Variants in MYO6 observed in about 807,000 individuals in gnomAD.
MYO6 encodes the protein myosin VI.
A neutral mutation model predicts 178.7 loss-of-function variants in MYO6; 74 were observed. The ratio of observed to expected loss-of-function variants is 0.41; its 90% CI spans 0.34 to 0.50. The LOEUF is 0.50. Ranked by LOEUF, MYO6 falls within the 20% of genes least tolerant of loss-of-function variation. The probability of loss-of-function intolerance (pLI) is 0.09; values close to 1 mark genes in which losing one functional copy is unlikely to be tolerated. For synonymous variants in MYO6, 477 were observed against 504.6 expected, an observed-to-expected ratio of 0.95 and a Z score of 0.73; for missense variants, 1,330 against 1,547.4, an observed-to-expected ratio of 0.86 and a Z score of 2.36.
chr6:75,830,269 T>C, intron 4 of MYO6, 147 bp from the exon 5 acceptor site: 1 of 667,390 alleles, frequency 1.5e-6, no homozygotes, highest in Non-Finnish European at 2.6e-6. Flanking sequence ...GATCAGGGAA[T>C]ACTCAGGGAA....
chr6:75,752,059 C>A (rs1288146133), intron 1 of MYO6, among the ~76,000 whole-genome samples: 3 of 150,062 alleles, frequency 2.0e-5, no homozygotes, highest in Admixed American at 6.7e-5. Context: ...GTGGCACGAT[C>A]TTGGGTCACT....
At chr6:75,763,026 ATTT>A (rs34139526) in intron 1 of MYO6, among the ~76,000 whole-genome samples, 1 of 124,208 alleles carries the variant, frequency 8.1e-6, no homozygotes, top group Non-Finnish European at 1.7e-5. Context: ...CTGACCTGTA[ATTT>A]TTTTTTTTTT....
chr6:75,806,144 TTC>T, intron 1 of MYO6, among the ~76,000 whole-genome samples: 1 of 152,286 alleles, frequency 6.6e-6, no homozygotes, highest in Middle Eastern at 3.4e-3. Context: ...AAGAGGTTTA[TTC>T]TAGTGAAAAC....
chr6:75,810,825 C>G (rs781162593), intron 1 of MYO6, among the ~76,000 whole-genome samples: 14 of 152,096 alleles, frequency 9.2e-5, no homozygotes, highest in Non-Finnish European at 2.1e-4. Flanking sequence ...CTCAGAGGAG[C>G]CTAATTAAAG....
intron 3 of MYO6, among the ~76,000 whole-genome samples, chr6:75,823,680 G>C (rs1161442862): frequency 6.6e-6 from 1 of 152,220 alleles, no homozygotes; most frequent in Non-Finnish European, 1.5e-5. Context: ...ATGTAGAATG[G>C]TGGCAGCATA....
intron 1 of MYO6, among the ~76,000 whole-genome samples, chr6:75,812,815 T>C (rs1770827177): frequency 6.6e-6 from 1 of 152,180 alleles, no homozygotes; most frequent in African/African-American, 2.4e-5. Context: ...CTCCACTGTA[T>C]ATATGCACCA....
At chr6:75,784,755 C>T (rs945537626) in intron 1 of MYO6, among the ~76,000 whole-genome samples, 20 of 115,614 alleles carry the variant, frequency 1.7e-4, no homozygotes, top group Non-Finnish European at 1.8e-4. Flanking sequence ...CCAGCCTGGG[C>T]AACAGAGTGA....
chr6:75,865,507 G>A (rs1254348265), intron 16 of MYO6, among the ~76,000 whole-genome samples: 1 of 151,536 alleles, frequency 6.6e-6, no homozygotes, highest in Non-Finnish European at 1.5e-5. Context: ...GGGACTGCAG[G>A]CCTGCTCCAC....
At chr6:75,823,316 AAC>A (rs1205391175) in intron 3 of MYO6, among the ~76,000 whole-genome samples, 1 of 152,228 alleles carries the variant, frequency 6.6e-6, no homozygotes, top group Non-Finnish European at 1.5e-5. Context: ...ATTATATTAA[AAC>A]ACAGCATTAA....
chr6:75,880,114 T>C lies in MYO6; in HGVS notation c.2280T>C (p.Pro760=), dbSNP rs779452939. 13 of 1,606,134 alleles carry C rather than the reference T, an allele frequency of 8.1e-6. No individual in the cohort carries two copies. The African/African-American group carries it at 1.6e-4, about 20-fold the overall frequency. Residue 760 remains proline, a synonymous_variant, in exon 22 of 35, where the codon CCT becomes CCC. Transcript: ENST00000369977. ...GGTTAACCAAAGTATTTTTTAGACC[T>C]GGCAAGGTAAATATACATTTTTTAC... ...KFGLTKVFFR[P]GKFAEFDQIM...
intron 17 of MYO6, 50 bp downstream of exon 17, chr6:75,866,671 T>C (rs771291921): frequency 2.1e-6 from 3 of 1,434,484 alleles, no homozygotes; most frequent in Admixed American, 1.7e-5. Flanking sequence ...GAAGCTGCAC[T>C]GTACAGTATG....
chr6:75,892,472 G>T, intron 27 of MYO6, 58 bp from the exon 28 acceptor site: 1 of 1,606,982 alleles, frequency 6.2e-7, no homozygotes, highest in South Asian at 1.1e-5. Context: ...GTAATAAGGG[G>T]AGTGATCAAG....
At chr6:75,830,693 A>G in intron 5 of MYO6, 148 bp downstream of exon 5, 1 of 775,088 alleles carries the variant, frequency 1.3e-6, no homozygotes, top group Non-Finnish European at 2.1e-6. Context: ...CAACATTGTT[A>G]GGAGCAAGTA....
chr6:75,914,705 T>C lies in MYO6; in HGVS notation c.3659-108T>C, dbSNP rs1259664077. On this transcript the variant is annotated intron_variant, in intron 34 of 34. Coordinates refer to ENST00000369977, the MANE Select transcript of MYO6 (RefSeq NM_004999.4). ...GATTTCCATCTTAGAGAAAAAGTCT[T>C]AGGAAGTTTTCAAATCTATGAGAAT... 2.0e-5 allele frequency: 22 copies of C among 1,074,980 alleles called. No individual in the cohort carries two copies. The Admixed American group carries it at 4.2e-4, about 21-fold the overall frequency. 66.6% of individuals were successfully genotyped at this position (1,074,980 alleles called of 1,614,324 possible).
At chr6:75,822,729 G>A (rs1029653135) in intron 2 of MYO6, 53 bp from the exon 3 acceptor site, 94 of 1,432,844 alleles carry the variant, frequency 6.6e-5, no homozygotes, top group Non-Finnish European at 9.1e-5. Flanking sequence ...CCCTTCTATT[G>A]TTCTTACTAT....
At chr6:75,859,017 T>G (rs756567179) in intron 14 of MYO6, 24 bp downstream of exon 14, 2 of 1,402,896 alleles carry the variant, frequency 1.4e-6, no homozygotes, top group East Asian at 4.6e-5. Flanking sequence ...TAAGTTTAAT[T>G]TAAGATCTGC....
At chr6:75,855,979 C>T (rs1270804018) in intron 12 of MYO6, among the ~76,000 whole-genome samples, 2 of 152,140 alleles carry the variant, frequency 1.3e-5, no homozygotes, top group East Asian at 3.8e-4. Context: ...CAAATTTAAA[C>T]AAAGAATTTT....
chr6:75,841,085 T>C (rs966696313), intron 8 of MYO6, 129 bp from the exon 9 acceptor site: 5 of 911,414 alleles, frequency 5.5e-6, no homozygotes, highest in Non-Finnish European at 8.4e-6. Context: ...TTTTCCCCTT[T>C]ATTTGGTGAA....
intron 30 of MYO6, among the ~76,000 whole-genome samples, chr6:75,899,198 T>C (rs1243970246): frequency 6.6e-6 from 1 of 152,134 alleles, no homozygotes; most frequent in Admixed American, 6.6e-5. Context: ...GAATGAAAAG[T>C]TAGGGATATT....
Sources: gnomAD v4.1 joint callset for allele counts (sites outside exome capture counted in the v4.1 genomes callset) on GRCh38, gnomAD v4.1.1 for gene constraint, MANE v1.5 for transcripts, NCBI Gene and HGNC (gene_info 2026-07-23, HGNC 2026-07-21) for gene names.